SCN4B: variants seen among roughly 807,000 people sequenced by gnomAD.
The protein encoded by SCN4B is sodium channel regulatory subunit beta-4.
SCN4B carries 20 observed loss-of-function variants against 19.6 expected under a neutral mutation model. The ratio of observed to expected loss-of-function variants is 1.02; its 90% CI spans 0.72 to 1.48. The LOEUF is 1.48. Among genes scored for constraint, SCN4B ranks in the 40% most tolerant of loss-of-function variants. The pLI is 0.00. For missense variants in SCN4B, 271 were observed against 287.5 expected, an observed-to-expected ratio of 0.94 and a Z score of 0.42; for synonymous variants, 127 against 122.8, an observed-to-expected ratio of 1.03 and a Z score of -0.22.
chr11:118,142,540 T>C (rs1948111426), intron 3 of SCN4B, among the ~76,000 whole-genome samples: 1 of 74,908 alleles, frequency 1.3e-5, no homozygotes, highest in South Asian at 5.2e-4. Context: ...TCTTCTTTAT[T>C]TTCTATTGGT....
At position 118,152,738 on chromosome 11, in the gene SCN4B, C is replaced by T; in HGVS notation, c.-65G>A. On this transcript the variant is annotated 5_prime_UTR_variant, in exon 1 of 5. Coordinates refer to ENST00000324727, the MANE Select transcript of SCN4B (RefSeq NM_174934.4). Reference sequence around the variant, plus strand: ...GGGATACTGGGCACAGCCGCGCTCTCCGCCCGAGGTCGGCGTTCGGCCACA... The same window carrying T: ...GGGATACTGGGCACAGCCGCGCTCTTCGCCCGAGGTCGGCGTTCGGCCACA... The T allele has an allele frequency of 7.5e-7, 1 of 1,335,708 alleles. No homozygotes were observed. The highest frequency in any genetic ancestry group is 1.0e-6 in the Non-Finnish European group (1 of 973,126). The allele number at this position is 1,335,708 out of a possible 1,614,324, so 82.7% of individuals were successfully genotyped here. A position where few individuals can be genotyped will look rare whatever the true frequency, so the allele number is the denominator to read the frequency against.
At chr11:118,150,411 C>T (rs182039082) in intron 1 of SCN4B, among the ~76,000 whole-genome samples, 83 of 152,234 alleles carry the variant, frequency 5.5e-4, no homozygotes, top group African/African-American at 1.9e-3. Context: ...ACCCAGTCTC[C>T]GAAGCTGTGA....
rs1555098880 is a variant in SCN4B at position 118,152,632 on chromosome 11, C to A, written c.42G>T (p.Trp14Cys). Reference protein sequence around the residue: ...AGDGGKAPARWLGTGLLGLFL... With the variant: ...AGDGGKAPARCLGTGLLGLFL... Reference sequence around the variant, plus strand: ...CCTTACCCAAAAGCCCAGTGCCCAGCCATCTCGCCGGGGCTTTGCCTCCGT... The same window carrying A: ...CCTTACCCAAAAGCCCAGTGCCCAGACATCTCGCCGGGGCTTTGCCTCCGT... The change falls in exon 1 of 5, where the codon TGG (tryptophan) becomes TGT (cysteine). Residue 14 changes from tryptophan to cysteine, a missense_variant. By Grantham distance (215) the Trp-to-Cys change is radical. Coordinates refer to ENST00000324727, the MANE Select transcript of SCN4B (RefSeq NM_174934.4). The A allele has an allele frequency of 3.1e-6, 5 of 1,612,548 alleles. No individual in the cohort carries two copies. The highest frequency in any genetic ancestry group is 4.2e-6 in the Non-Finnish European group (5 of 1,179,306).
rs1461653076 is a variant in SCN4B at position 118,135,664 on chromosome 11, C to T, written c.*1363G>A. Reference sequence around the variant, plus strand: ...TGGCCAATTCCAGCCTCATGGCCCCCTCTATGACCCTGGGGAGGGGAGGGC... The same window carrying T: ...TGGCCAATTCCAGCCTCATGGCCCCTTCTATGACCCTGGGGAGGGGAGGGC... On this transcript the variant is annotated 3_prime_UTR_variant, in exon 5 of 5. Transcript: ENST00000324727. 2 of 454,212 alleles carry T rather than the reference C, an allele frequency of 4.4e-6. No individual in the cohort carries two copies. Among genetic ancestry groups the T allele is most frequent in the Non-Finnish European group, 8.8e-6 (2 of 226,758 alleles). The allele number at this position is 454,212 out of a possible 1,614,324, so 28.1% of individuals were successfully genotyped here. A position where few individuals can be genotyped will look rare whatever the true frequency, so the allele number is the denominator to read the frequency against.
chr11:118,147,004 GCATCAGA>G (rs1474343136), intron 1 of SCN4B, among the ~76,000 whole-genome samples: 1 of 152,148 alleles, frequency 6.6e-6, no homozygotes, highest in Non-Finnish European at 1.5e-5. Context: ...ACTTGAGAGC[GCATCAGA>G]ATCCCCTGGA....
rs1203439230 is a variant in SCN4B at position 118,136,546 on chromosome 11, C to T, written c.*481G>A. 8.8e-6 allele frequency: 4 copies of T among 454,088 alleles called. No individual in the cohort carries two copies. The highest frequency in any genetic ancestry group is 1.8e-5 in the Non-Finnish European group (4 of 226,894). The allele number at this position is 454,088 out of a possible 1,614,324, so 28.1% of individuals were successfully genotyped here. A position where few individuals can be genotyped will look rare whatever the true frequency, so the allele number is the denominator to read the frequency against. On this transcript the variant is annotated 3_prime_UTR_variant, in exon 5 of 5. Transcript: ENST00000324727. ...ACTGTGGGCCTGCCCCCATCAGCCC[C>T]CACCCCAGGTCTTCTCCAGAGGCCT...
intron 4 of SCN4B, among the ~76,000 whole-genome samples, chr11:118,138,630 A>G (rs1222087055): frequency 6.6e-6 from 1 of 152,198 alleles, no homozygotes; most frequent in Non-Finnish European, 1.5e-5. Flanking sequence ...ACTGTGTCGG[A>G]AACGTGCACT....
intron 4 of SCN4B, among the ~76,000 whole-genome samples, chr11:118,140,537 T>C (rs984625929): frequency 2.0e-5 from 3 of 152,198 alleles, no homozygotes; most frequent in Admixed American, 2.0e-4. Context: ...TCAAATGCCT[T>C]TTCCCTGCTC....
Position 118,134,730 on chromosome 11 carries a change from G to A in SCN4B, c.*2297C>T, listed in dbSNP as rs1441954225. ...TGTCTGTATGTGGGTTGTAGAGATGGGACACAGAGATGAAGACAGGACAGA... is the reference window on the plus strand; with the variant it reads ...TGTCTGTATGTGGGTTGTAGAGATGAGACACAGAGATGAAGACAGGACAGA... On this transcript the variant is annotated 3_prime_UTR_variant, in exon 5 of 5. Transcript: ENST00000324727. 2 of 453,910 alleles carry A rather than the reference G, an allele frequency of 4.4e-6. No homozygotes were observed. Among genetic ancestry groups the A allele is most frequent in the Non-Finnish European group, 8.8e-6 (2 of 226,776 alleles). The allele number at this position is 453,910 out of a possible 1,614,324, so 28.1% of individuals were successfully genotyped here.
rs774372505 is a variant in SCN4B, at chr11:118,144,049, T to C, written c.247A>G (p.Thr83Ala). The C allele has an allele frequency of 1.2e-6, 2 of 1,611,710 alleles. No homozygotes were observed. The highest frequency in any genetic ancestry group is 1.7e-6 in the Non-Finnish European group (2 of 1,177,954). Residue 83 changes from threonine (T) to alanine (A), a missense_variant, in exon 3 of 5, where the codon ACT becomes GCT. By Grantham distance (58) the Thr-to-Ala change is moderately conservative. Coordinates refer to ENST00000324727, the MANE Select transcript of SCN4B (RefSeq NM_174934.4). ...GGGTCAGACTTCTCATTCTTCACAG[T>C]CCCCTCTATGAGCTGGTGGAGGAAG... ...SDAFKILIEG[T>A]VKNEKSDPKV...
intron 1 of SCN4B, among the ~76,000 whole-genome samples, chr11:118,147,917 T>C (rs1948197658): frequency 1.3e-5 from 2 of 152,188 alleles, no homozygotes; most frequent in African/African-American, 4.8e-5. Flanking sequence ...GAAAGAGATA[T>C]TCAAGAGCAC....
Position 118,138,554 on chromosome 11 carries a change from ACGAC to A in SCN4B, c.594-1438_594-1435del, listed in dbSNP as rs764018987. Reference sequence around the variant, plus strand: ...TAAGGCATAGTTAACCCAGCCAATTACGACCCACCGAACTGTATTCCACGCAGTC... The same window carrying A: ...TAAGGCATAGTTAACCCAGCCAATTACCACCGAACTGTATTCCACGCAGTC... On this transcript the variant is annotated intron_variant, in intron 4 of 4. Coordinates refer to ENST00000324727, the MANE Select transcript of SCN4B (RefSeq NM_174934.4). Among the ~76,000 whole-genome samples the A allele has an allele frequency of 8.9e-4, 135 of 152,140 alleles. 1 individual carries two copies. The East Asian group carries it at 0.025, about 28-fold the overall frequency.
chr11:118,143,217 C>T (rs76662264), intron 3 of SCN4B, among the ~76,000 whole-genome samples: 3,700 of 152,302 alleles, frequency 0.024, 146 homozygotes, highest in African/African-American at 0.083. Flanking sequence ...GGCTCCTTTT[C>T]ATATGCACCC....
At chr11:118,139,519 T>C (rs1273531317) in intron 4 of SCN4B, among the ~76,000 whole-genome samples, 1 of 152,196 alleles carries the variant, frequency 6.6e-6, no homozygotes, top group African/African-American at 2.4e-5. Flanking sequence ...TCTCATTCCT[T>C]CCATAATTTC....
chr11:118,140,866 G>T (rs1485998961), intron 4 of SCN4B, among the ~76,000 whole-genome samples: 1 of 152,088 alleles, frequency 6.6e-6, no homozygotes, highest in Non-Finnish European at 1.5e-5. Context: ...TTTTTTCAAA[G>T]GCTCCTTAAG....
intron 2 of SCN4B, among the ~76,000 whole-genome samples, chr11:118,144,565 C>T (rs1206545384): frequency 6.6e-6 from 1 of 152,140 alleles, no homozygotes; most frequent in African/African-American, 2.4e-5. Context: ...GGTTGGATCC[C>T]CCACTAGATT....
Position 118,145,124 on chromosome 11 carries a change from G to C in SCN4B, c.167C>G (p.Ser56Cys). The C allele has an allele frequency of 2.5e-6, 4 of 1,614,150 alleles. No individual in the cohort carries two copies. Among genetic ancestry groups the C allele is most frequent in the Non-Finnish European group, 3.4e-6 (4 of 1,180,006 alleles). Residue 56 changes from serine to cysteine, a missense_variant, in exon 2 of 5, where the codon TCC becomes TGC. Physicochemically the swap from Ser to Cys is moderately radical, Grantham distance 112. Coordinates refer to ENST00000324727, the MANE Select transcript of SCN4B (RefSeq NM_174934.4). ...GAGGTCCTCGAAGCCAAAGCAGCTG[G>C]AGAAGGTGCAGGGCAGCAGGATCTC... ...GTEILLPCTF[S>C]SCFGFEDLHF...
rs1461666120 is a variant in SCN4B at position 118,134,747 on chromosome 11, C to T, written c.*2280G>A. The T allele has an allele frequency of 2.2e-6, 1 of 454,050 alleles. No homozygotes were observed. 28.1% of individuals were successfully genotyped at this position (454,050 alleles called of 1,614,324 possible). A position where few individuals can be genotyped will look rare whatever the true frequency, so the allele number is the denominator to read the frequency against. On this transcript the variant is annotated 3_prime_UTR_variant, in exon 5 of 5. Transcript: ENST00000324727. The stretch of plus-strand genomic sequence containing the variant: ...TAGAGATGGGACACAGAGATGAAGA[C>T]AGGACAGACTTGGAACTATCCCTGC...
At chr11:118,146,338 G>C (rs1048995071) in intron 1 of SCN4B, among the ~76,000 whole-genome samples, 1 of 151,716 alleles carries the variant, frequency 6.6e-6, no homozygotes, top group South Asian at 2.1e-4. Context: ...CAGTCCTGCA[G>C]ATGCCCCAAG....
Sources: allele counts gnomAD v4.1 joint callset (sites outside exome capture counted in the v4.1 genomes callset), GRCh38; gene constraint gnomAD v4.1.1; transcripts MANE v1.5; gene names NCBI Gene and HGNC (gene_info 2026-07-23, HGNC 2026-07-21).